SETBP1: variants seen among roughly 807,000 people sequenced by gnomAD.
The protein encoded by SETBP1 is SET-binding protein.
SETBP1 carries 9 observed loss-of-function variants against 101.0 expected under a neutral mutation model. The observed-to-expected ratio is 0.09, with a 90% CI of 0.05 to 0.16. The LOEUF (loss-of-function observed/expected upper bound fraction) is 0.16, where lower values mean the gene tolerates loss of function less well. Among genes scored for constraint, SETBP1 ranks in the 10% least tolerant of loss-of-function variants. The probability of loss-of-function intolerance (pLI) is 1.00; values close to 1 mark genes in which losing one functional copy is unlikely to be tolerated. For missense variants in SETBP1, 1,858 were observed against 2,033.8 expected, an observed-to-expected ratio of 0.91 and a Z score of 1.66; for synonymous variants, 818 against 788.5, an observed-to-expected ratio of 1.04 and a Z score of -0.63.
At chr18:44,879,589 A>C (rs1429529916) in intron 3 of SETBP1, among the ~76,000 whole-genome samples, 1 of 152,170 alleles carries the variant, frequency 6.6e-6, no homozygotes, top group Admixed American at 6.6e-5. Flanking sequence ...GGGATTGTCC[A>C]ACAGAAAAAA....
intron 2 of SETBP1, among the ~76,000 whole-genome samples, chr18:44,848,650 G>A (rs999450932): frequency 1.3e-4 from 20 of 152,166 alleles, no homozygotes; most frequent in Non-Finnish European, 1.5e-5. Flanking sequence ...TCCTGGAGAG[G>A]TAACTTAAAC....
At chr18:44,682,714 C>T (rs1035462022) in intron 1 of SETBP1, among the ~76,000 whole-genome samples, 1 of 152,116 alleles carries the variant, frequency 6.6e-6, no homozygotes. Flanking sequence ...TATTTGCAAA[C>T]GGCAGGGAAT....
intron 4 of SETBP1, among the ~76,000 whole-genome samples, chr18:44,966,519 T>G (rs2071724176): frequency 6.6e-6 from 1 of 152,204 alleles, no homozygotes; most frequent in Non-Finnish European, 1.5e-5. Context: ...TTGTTTACCT[T>G]TATATTAGGT....
At chr18:44,991,489 C>G (rs1239642138) in intron 4 of SETBP1, among the ~76,000 whole-genome samples, 1 of 151,636 alleles carries the variant, frequency 6.6e-6, no homozygotes, top group Non-Finnish European at 1.5e-5. Flanking sequence ...ATATAAATAC[C>G]ATCCAAAATA....
intron 2 of SETBP1, among the ~76,000 whole-genome samples, chr18:44,726,735 G>C (rs1246682851): frequency 2.0e-5 from 3 of 152,128 alleles, no homozygotes; most frequent in Non-Finnish European, 2.9e-5. Context: ...ACTTCATAAA[G>C]GCCCTATTTT....
intron 2 of SETBP1, among the ~76,000 whole-genome samples, chr18:44,867,830 T>C (rs957862353): frequency 7.2e-5 from 11 of 152,206 alleles, no homozygotes; most frequent in Non-Finnish European, 1.3e-4. Context: ...TTGGCAGTCA[T>C]TTAAGGAAGC....
chr18:44,828,752 C>T (rs571346727), intron 2 of SETBP1, among the ~76,000 whole-genome samples: 56 of 152,126 alleles, frequency 3.7e-4, no homozygotes, highest in Non-Finnish European at 5.9e-4. Context: ...AAAGTAATTG[C>T]GGTTAAGTAA....
At chr18:44,720,157 G>A (rs1180576375) in intron 2 of SETBP1, among the ~76,000 whole-genome samples, 1 of 152,156 alleles carries the variant, frequency 6.6e-6, no homozygotes, top group Non-Finnish European at 1.5e-5. Flanking sequence ...GGCTTAAGAA[G>A]CAAGAATTTT....
In SETBP1 at chr18:44,715,480, G is replaced by C. The variant is rs1220167359; in HGVS notation, c.486+13648G>C. On this transcript the variant is annotated intron_variant, in intron 2 of 5. Transcript: ENST00000649279. Reference sequence around the variant, plus strand: ...GCCCTTGCAAAATAAGATTCCATGAGCGCTGACTAGCCTGAGGCCTGAGGG... The same window carrying C: ...GCCCTTGCAAAATAAGATTCCATGACCGCTGACTAGCCTGAGGCCTGAGGG... Among the ~76,000 whole-genome samples, 3 of 152,122 alleles carry C rather than the reference G, an allele frequency of 2.0e-5. No individual in the cohort carries two copies. In the East Asian group the frequency reaches 5.8e-4, roughly 29 times the overall value.
At chr18:44,704,932 A>G (rs2069187327) in intron 2 of SETBP1, among the ~76,000 whole-genome samples, 1 of 152,220 alleles carries the variant, frequency 6.6e-6, no homozygotes, top group Non-Finnish European at 1.5e-5. Flanking sequence ...CAGGTCCTAC[A>G]CTAGGAGCTA....
intron 3 of SETBP1, among the ~76,000 whole-genome samples, chr18:44,947,497 T>C (rs1243652412): frequency 6.7e-6 from 1 of 148,552 alleles, no homozygotes; most frequent in Non-Finnish European, 1.5e-5. Context: ...TCCCACTTTT[T>C]TTTTTTTTTT....
chr18:44,847,430 C>T (rs1214011678), intron 2 of SETBP1, among the ~76,000 whole-genome samples: 1 of 152,190 alleles, frequency 6.6e-6, no homozygotes, highest in East Asian at 1.9e-4. Flanking sequence ...TGGTCAGTAC[C>T]TGCAAAGAAA....
At chr18:44,953,997 C>A (rs545952132) in intron 4 of SETBP1, among the ~76,000 whole-genome samples, 1 of 152,296 alleles carries the variant, frequency 6.6e-6, no homozygotes, top group East Asian at 1.9e-4. Flanking sequence ...TGGAAGGAGG[C>A]AGGCTGGAAG....
chr18:44,841,740 C>T lies in SETBP1; in HGVS notation c.487-27490C>T, dbSNP rs148094579. Among the ~76,000 whole-genome samples, 433 of 152,304 alleles carry T rather than the reference C, an allele frequency of 2.8e-3. 1 individual carries two copies. The highest frequency in any genetic ancestry group is 3.6e-3 in the Non-Finnish European group (245 of 68,016). On this transcript the variant is annotated intron_variant, in intron 2 of 5. Transcript: ENST00000649279. ...TATCAGCATCCAAGGAAGGGCCCCT[C>T]GTTCCTTAGGCATGTGACCATCTCA...
chr18:44,812,402 A>T (rs779330562), intron 2 of SETBP1, among the ~76,000 whole-genome samples: 3 of 152,150 alleles, frequency 2.0e-5, no homozygotes, highest in Non-Finnish European at 4.4e-5. Flanking sequence ...GTGCTCCTAG[A>T]TTCCTCTAGA....
At chr18:44,801,433 G>A (rs1014148849) in intron 2 of SETBP1, among the ~76,000 whole-genome samples, 4 of 152,130 alleles carry the variant, frequency 2.6e-5, no homozygotes, top group Non-Finnish European at 5.9e-5. Context: ...CTGTTTCGAG[G>A]TAGAAGAAAG....
chr18:44,965,435 C>T (rs2071701702), intron 4 of SETBP1, among the ~76,000 whole-genome samples: 1 of 152,108 alleles, frequency 6.6e-6, no homozygotes, highest in South Asian at 2.1e-4. Flanking sequence ...CAGAGAATTC[C>T]TTATGCTTGC....
intron 2 of SETBP1, among the ~76,000 whole-genome samples, chr18:44,757,590 A>G (rs919142584): frequency 3.3e-5 from 5 of 152,220 alleles, no homozygotes; most frequent in African/African-American, 1.2e-4. Flanking sequence ...AGCAATAGTG[A>G]ACATTTACTC....
intron 2 of SETBP1, among the ~76,000 whole-genome samples, chr18:44,743,482 C>A (rs1197911756): frequency 6.6e-6 from 1 of 152,148 alleles, no homozygotes. Flanking sequence ...CCCCCAACCC[C>A]CAACCTACAA....
Sources: gnomAD v4.1 joint callset for allele counts (sites outside exome capture counted in the v4.1 genomes callset) on GRCh38, gnomAD v4.1.1 for gene constraint, MANE v1.5 for transcripts, NCBI Gene and HGNC (gene_info 2026-07-23, HGNC 2026-07-21) for gene names.